Variants in MYRIP observed in about 807,000 individuals in gnomAD.
The protein encoded by MYRIP is myosin VIIA and Rab interacting protein.
Under a neutral mutation model 98.0 loss-of-function variants are expected in MYRIP, and 49 were observed. The ratio of observed to expected loss-of-function variants is 0.50; its 90% CI spans 0.40 to 0.63. The LOEUF (loss-of-function observed/expected upper bound fraction) is 0.63, where lower values mean the gene tolerates loss of function less well. MYRIP is among the 30% of genes least tolerant of loss of function. The pLI, the probability that MYRIP is intolerant of heterozygous loss-of-function variation, is 0.00. For missense variants in MYRIP, 1,004 were observed against 1,058.2 expected (o/e 0.95, Z 0.71); for synonymous variants, 404 against 409.5 (o/e 0.99, Z 0.16).
intron 2 of MYRIP, among the ~76,000 whole-genome samples, chr3:40,009,541 C>T (rs1946710819): frequency 6.6e-6 from 1 of 152,096 alleles, no homozygotes; most frequent in African/African-American, 2.4e-5. Flanking sequence ...CACGCCTGGC[C>T]CCAACTGCTA....
intron 8 of MYRIP, among the ~76,000 whole-genome samples, chr3:40,172,025 C>T (rs185059161): frequency 5.3e-5 from 8 of 152,270 alleles, no homozygotes; most frequent in Non-Finnish European, 1.0e-4. Context: ...TGGGAAAGAC[C>T]CGCCCCCATG....
At chr3:39,876,326 ATT>A (rs1196037894) in intron 1 of MYRIP, among the ~76,000 whole-genome samples, 2 of 152,308 alleles carry the variant, frequency 1.3e-5, no homozygotes, top group East Asian at 3.9e-4. Context: ...TAATTGGAGC[ATT>A]TAGCCCATTT....
chr3:40,193,922 G>T (rs1454748231), intron 10 of MYRIP, among the ~76,000 whole-genome samples: 1 of 151,942 alleles, frequency 6.6e-6, no homozygotes, highest in Non-Finnish European at 1.5e-5. Context: ...TGGACTATTT[G>T]TCTTTTTCTT....
intron 2 of MYRIP, among the ~76,000 whole-genome samples, chr3:39,959,634 G>A (rs1945270784): frequency 6.6e-6 from 1 of 150,636 alleles, no homozygotes; most frequent in South Asian, 2.1e-4. Context: ...TAACAAACCT[G>A]TACATTGTGC....
Position 40,190,436 on chromosome 3 carries a change from C to T in MYRIP, c.1638C>T (p.Ala546=). 1.2e-6 allele frequency: 2 copies of T among 1,602,630 alleles called. No individual in the cohort carries two copies. The highest frequency in any genetic ancestry group is 2.2e-5 in the South Asian group (2 of 89,558). ...GCAAAGAACCATCTTCCCCCAGCGC[C>T]CAGCTCCGGGATCTAGACACACATC... ...EPSKEPSSPS[A]QLRDLDTHQV... Residue 546 remains alanine, a synonymous_variant, in exon 10 of 17, where the codon GCC becomes GCT. Coordinates refer to ENST00000302541, the MANE Select transcript of MYRIP (RefSeq NM_015460.4).
At chr3:40,040,986 AAAAAAAAG>A (rs1189163527) in intron 2 of MYRIP, among the ~76,000 whole-genome samples, 178 of 90,010 alleles carry the variant, frequency 2.0e-3, no homozygotes, top group African/African-American at 2.6e-3. Context: ...TATAATAAAA[AAAAAAAAG>A]AAAAAAAAAA....
chr3:39,810,832 T>C (rs1438806287), intron 1 of MYRIP: 1 of 152,288 alleles, frequency 6.6e-6, no homozygotes, highest in African/African-American at 2.4e-5. Flanking sequence ...GGTTTGGGCC[T>C]AGGGACTTCC....
chr3:39,931,444 C>A (rs9858312), intron 2 of MYRIP, among the ~76,000 whole-genome samples: 56,162 of 151,412 alleles, frequency 0.37, 10,728 homozygotes, highest in East Asian at 0.46. Context: ...TTAAGATTTT[C>A]AGTATACTAG....
chr3:40,016,796 C>T (rs181925831), intron 2 of MYRIP, among the ~76,000 whole-genome samples: 158 of 152,316 alleles, frequency 1.0e-3, no homozygotes, highest in African/African-American at 3.5e-3. Context: ...ACAAAGCATA[C>T]GTGCAGTCAG....
At chr3:39,863,430 A>C (rs1460911603) in intron 1 of MYRIP, among the ~76,000 whole-genome samples, 2 of 152,086 alleles carry the variant, frequency 1.3e-5, no homozygotes, top group Non-Finnish European at 2.9e-5. Flanking sequence ...AAAAGAGAGG[A>C]TCCAAATAAA....
At chr3:39,908,884 T>C (rs1372850854) in intron 2 of MYRIP, among the ~76,000 whole-genome samples, 1 of 152,252 alleles carries the variant, frequency 6.6e-6, no homozygotes, top group Non-Finnish European at 1.5e-5. Flanking sequence ...TAACTGTGTG[T>C]GCACAGAGTG....
chr3:40,179,079 A>G (rs1268170375), intron 8 of MYRIP, among the ~76,000 whole-genome samples: 3 of 152,238 alleles, frequency 2.0e-5, no homozygotes, highest in Non-Finnish European at 4.4e-5. Context: ...ATAAGCCAGT[A>G]TAATAAACAA....
At chr3:40,007,339 A>AT (rs1032757659) in intron 2 of MYRIP, among the ~76,000 whole-genome samples, 1 of 94,496 alleles carries the variant, frequency 1.1e-5, no homozygotes, top group Non-Finnish European at 2.4e-5. Flanking sequence ...GTTTAAATAT[A>AT]TGTTAAAAAA....
In MYRIP at chr3:40,084,062, G is replaced by A. The variant is rs113657787; in HGVS notation, c.332+39791G>A. Among the ~76,000 whole-genome samples the A allele has an allele frequency of 2.3e-3, 305 of 132,762 alleles. 1 individual carries two copies. The highest frequency in any genetic ancestry group is 2.3e-3 in the Non-Finnish European group (148 of 64,078). 87.1% of individuals were successfully genotyped at this position (132,762 alleles called of 152,430 possible). A position where few individuals can be genotyped will look rare whatever the true frequency, so the allele number is the denominator to read the frequency against. ...TGAGGCAGGAGAATGGCGTGAACCC[G>A]GGAGGCGGAACTTGCAGGGAGCCGA... On this transcript the variant is annotated intron_variant, in intron 3 of 16. Transcript: ENST00000302541.
In MYRIP at chr3:39,825,720, G is replaced by A. The variant is rs546238341; in HGVS notation, c.-31+15804G>A. ...AAATGAGTTAGAAAGAACTCCTTAT[G>A]CTTCAATTCCTTTGAATAGTTTGAG... On this transcript the variant is annotated intron_variant, in intron 1 of 16. Transcript: ENST00000302541. Among the ~76,000 whole-genome samples the A allele has an allele frequency of 4.0e-3, 614 of 152,264 alleles. 1 individual carries two copies. Among genetic ancestry groups the A allele is most frequent in the Non-Finnish European group, 6.7e-3 (454 of 68,008 alleles).
At chr3:40,228,946 T>C (rs1575659222) in intron 11 of MYRIP, among the ~76,000 whole-genome samples, 1 of 152,296 alleles carries the variant, frequency 6.6e-6, no homozygotes, top group South Asian at 2.1e-4. Flanking sequence ...CTCTTGCTGC[T>C]CACACATTCA....
chr3:39,942,903 T>C lies in MYRIP; in HGVS notation c.110+41977T>C, dbSNP rs151046711. Among the ~76,000 whole-genome samples the C allele has an allele frequency of 2.0e-3, 308 of 152,252 alleles. 2 individuals are homozygous for C. Among genetic ancestry groups the C allele is most frequent in the African/African-American group, 7.0e-3 (292 of 41,568 alleles). On this transcript the variant is annotated intron_variant, in intron 2 of 16. Transcript: ENST00000302541. ...AACTCCCACATATGATATGAGTGAG[T>C]GCATGCAACATTTATTTTCCTGTGT...
At chr3:40,108,225 G>C (rs1000543655) in intron 3 of MYRIP, among the ~76,000 whole-genome samples, 3 of 146,146 alleles carry the variant, frequency 2.1e-5, no homozygotes, top group African/African-American at 7.5e-5. Flanking sequence ...GTGAGTCGAA[G>C]ATGGCACTCA....
intron 3 of MYRIP, among the ~76,000 whole-genome samples, chr3:40,103,778 A>C (rs1948999635): frequency 1.3e-5 from 2 of 152,144 alleles, no homozygotes; most frequent in Admixed American, 6.5e-5. Flanking sequence ...AGAAAAAAAA[A>C]CTCTGGCTAC....
Sources: gnomAD v4.1 joint callset for allele counts (sites outside exome capture counted in the v4.1 genomes callset) on GRCh38, gnomAD v4.1.1 for gene constraint, MANE v1.5 for transcripts, NCBI Gene and HGNC (gene_info 2026-07-23, HGNC 2026-07-21) for gene names.